SYT1: variants seen among roughly 807,000 people sequenced by gnomAD.
SYT1 encodes the protein synaptotagmin 1.
Under a neutral mutation model 44.8 loss-of-function variants are expected in SYT1, and 8 were observed. The ratio of observed to expected loss-of-function variants is 0.18; its 90% confidence interval spans 0.10 to 0.32. The LOEUF is 0.32. Ranked by LOEUF, SYT1 falls within the 10% of genes least tolerant of loss-of-function variation. The pLI is 1.00. For missense variants in SYT1, 286 were observed against 509.3 expected (o/e 0.56, Z 4.22); for synonymous variants, 154 against 188.8 (o/e 0.82, Z 1.51).
chr12:79,197,334 C>G (rs774305703), intron 3 of SYT1, among the ~76,000 whole-genome samples: 5 of 151,998 alleles, frequency 3.3e-5, no homozygotes, highest in African/African-American at 4.8e-5. Flanking sequence ...ATACGGAATT[C>G]TAGATTTAGA....
chr12:79,040,312 A>C (rs1471097294), intron 2 of SYT1, among the ~76,000 whole-genome samples: 1 of 151,952 alleles, frequency 6.6e-6, no homozygotes, highest in Non-Finnish European at 1.5e-5. Flanking sequence ...AATGATTGCC[A>C]TTCTAACTGG....
chr12:78,973,928 AAAAAAAAAAAAT>A (rs1565743799), intron 1 of SYT1, among the ~76,000 whole-genome samples: 1 of 40,718 alleles, frequency 2.5e-5, no homozygotes, highest in African/African-American at 1.1e-4. Flanking sequence ...AAAAAAAAAA[AAAAAAAAAAAAT>A]ATATATATAT....
chr12:78,937,713 T>A (rs1878138759), intron 1 of SYT1, among the ~76,000 whole-genome samples: 1 of 152,154 alleles, frequency 6.6e-6, no homozygotes, highest in Admixed American at 6.6e-5. Context: ...ACAAATTACT[T>A]TTTTCCTTCA....
At chr12:79,178,538 GT>G (rs1872046589) in intron 3 of SYT1, among the ~76,000 whole-genome samples, 1 of 151,592 alleles carries the variant, frequency 6.6e-6, no homozygotes, top group South Asian at 2.1e-4. Flanking sequence ...GTTTTGTTTT[GT>G]TTTTTGTTTT....
chr12:79,242,549 AC>A (rs1876575820), intron 4 of SYT1, among the ~76,000 whole-genome samples: 2 of 152,236 alleles, frequency 1.3e-5, no homozygotes, highest in Admixed American at 1.3e-4. Flanking sequence ...TTTTCAAGCA[AC>A]AAGCAAAGTG....
At chr12:78,944,573 G>A (rs566154055) in intron 1 of SYT1, among the ~76,000 whole-genome samples, 1 of 151,986 alleles carries the variant, frequency 6.6e-6, no homozygotes, top group East Asian at 1.9e-4. Flanking sequence ...TTATTCAAAA[G>A]ACAGGTTACT....
Position 79,273,121 on chromosome 12 carries a change from C to CTTTT in SYT1, c.167-12654_167-12651dup, listed in dbSNP as rs34751116. On this transcript the variant is annotated intron_variant, in intron 4 of 10. Transcript: ENST00000261205. ...ATAGTGTGTGTTACCTTTTTTCTTTCTTTTTTTTTTTTTTTGACAATATCT... is the reference window on the plus strand; with the variant it reads ...ATAGTGTGTGTTACCTTTTTTCTTTCTTTTTTTTTTTTTTTTTTTGACAATATCT... Among the ~76,000 whole-genome samples the CTTTT allele has an allele frequency of 4.6e-3, 641 of 138,796 alleles. 8 individuals are homozygous for CTTTT. The highest frequency in any genetic ancestry group is 0.015 in the African/African-American group (578 of 37,380). The allele number at this position is 138,796 out of a possible 152,430, so 91.1% of individuals were successfully genotyped here.
At chr12:79,286,277 T>C (rs540626733) in intron 5 of SYT1, among the ~76,000 whole-genome samples, 8 of 152,338 alleles carry the variant, frequency 5.3e-5, no homozygotes, top group African/African-American at 1.9e-4. Context: ...CCAGTCTTCA[T>C]TGCGTTTAGA....
intron 1 of SYT1, among the ~76,000 whole-genome samples, chr12:78,867,926 AAT>A (rs2137029823): frequency 6.6e-6 from 1 of 152,104 alleles, no homozygotes; most frequent in African/African-American, 2.4e-5. Context: ...TAAAATGTAG[AAT>A]ATGTTAGAAA....
intron 9 of SYT1, among the ~76,000 whole-genome samples, chr12:79,435,248 A>T (rs1870020242): frequency 1.3e-5 from 2 of 152,212 alleles, no homozygotes; most frequent in Non-Finnish European, 2.9e-5. Context: ...TTAGATAGGG[A>T]ACAGACCAAA....
intron 9 of SYT1, among the ~76,000 whole-genome samples, chr12:79,384,865 G>A (rs556521735): frequency 1.3e-5 from 2 of 152,002 alleles, no homozygotes; most frequent in Non-Finnish European, 1.5e-5. Context: ...TTCCTGATCT[G>A]TTTATGTATG....
At chr12:78,932,015 G>C (rs1184300106) in intron 1 of SYT1, among the ~76,000 whole-genome samples, 3 of 152,186 alleles carry the variant, frequency 2.0e-5, no homozygotes, top group African/African-American at 7.2e-5. Context: ...GTGCATGGCT[G>C]GTGTATCAGT....
At chr12:79,066,054 A>T (rs888163380) in intron 3 of SYT1, among the ~76,000 whole-genome samples, 45 of 152,120 alleles carry the variant, frequency 3.0e-4, no homozygotes, top group African/African-American at 1.1e-3. Flanking sequence ...ACATGCATGA[A>T]CATACACAAA....
chr12:78,920,803 T>C (rs1426730995), intron 1 of SYT1, among the ~76,000 whole-genome samples: 2 of 151,946 alleles, frequency 1.3e-5, no homozygotes, highest in African/African-American at 4.8e-5. Flanking sequence ...TATTATATGA[T>C]GCTGCTAATA....
chr12:78,881,673 T>C (rs1436973984), intron 1 of SYT1, among the ~76,000 whole-genome samples: 2 of 151,474 alleles, frequency 1.3e-5, no homozygotes, highest in African/African-American at 4.8e-5. Flanking sequence ...CTTCATGCAG[T>C]CTAGGGAAAC....
At chr12:79,360,148 G>C (rs1347076201) in intron 9 of SYT1, among the ~76,000 whole-genome samples, 3 of 150,970 alleles carry the variant, frequency 2.0e-5, no homozygotes, top group African/African-American at 7.3e-5. Flanking sequence ...AAAATGCTAT[G>C]TCATAATTTT....
intron 3 of SYT1, among the ~76,000 whole-genome samples, chr12:79,142,566 T>G (rs1478043751): frequency 6.6e-6 from 1 of 152,116 alleles, no homozygotes. Flanking sequence ...CAAGAAACCA[T>G]CCCTTACTAA....
chr12:79,196,506 C>T (rs190210021), intron 3 of SYT1, among the ~76,000 whole-genome samples: 72 of 152,144 alleles, frequency 4.7e-4, no homozygotes, highest in African/African-American at 1.6e-3. Context: ...CTCTCAAACT[C>T]GAAGAACCTT....
chr12:79,366,220 G>T (rs943590100), intron 9 of SYT1, among the ~76,000 whole-genome samples: 5 of 152,136 alleles, frequency 3.3e-5, no homozygotes, highest in African/African-American at 9.7e-5. Context: ...CAGTAATTAG[G>T]AATCTATTCT....
Sources: allele counts gnomAD v4.1 joint callset (sites outside exome capture counted in the v4.1 genomes callset), GRCh38; gene constraint gnomAD v4.1.1; transcripts MANE v1.5; gene names NCBI Gene and HGNC (gene_info 2026-07-23, HGNC 2026-07-21).